CORO2B: variants seen among roughly 807,000 people sequenced by gnomAD.
The protein encoded by CORO2B is coronin-2B.
Under a neutral mutation model 58.8 loss-of-function variants are expected in CORO2B, and 26 were observed. That is an observed-to-expected ratio of 0.44 (90% CI 0.32 to 0.61). The LOEUF is 0.61. CORO2B is among the 20% of genes least tolerant of loss of function. CORO2B has a pLI of 0.04. For missense variants in CORO2B, 460 were observed against 645.1 expected, an observed-to-expected ratio of 0.71 and a Z score of 3.11; for synonymous variants, 242 against 253.8, an observed-to-expected ratio of 0.95 and a Z score of 0.44.
intron 2 of CORO2B, among the ~76,000 whole-genome samples, chr15:68,676,132 T>C (rs1177232911): frequency 6.6e-6 from 1 of 152,208 alleles, no homozygotes; most frequent in Admixed American, 6.5e-5. Context: ...CCCAATCAGC[T>C]GTGTGTTTGT....
At chr15:68,618,263 G>T (rs1002927995) in intron 1 of CORO2B, among the ~76,000 whole-genome samples, 5 of 152,130 alleles carry the variant, frequency 3.3e-5, no homozygotes, top group South Asian at 2.1e-4. Flanking sequence ...CTACCACTTT[G>T]ATTTCATAAC....
At chr15:68,718,923 G>A in intron 9 of CORO2B, 113 bp downstream of exon 9, 1 of 969,944 alleles carries the variant, frequency 1.0e-6, no homozygotes, top group Non-Finnish European at 1.6e-6. Context: ...GTGAACTGGG[G>A]TCTTCAAACC....
the CORO2B span, among the ~76,000 whole-genome samples, chr15:68,568,314 C>T: frequency 1.3e-5 from 2 of 148,384 alleles, no homozygotes; most frequent in African/African-American, 2.5e-5. Flanking sequence ...TCTGTAAAGT[C>T]GGAGCGGTTA....
intron 2 of CORO2B, among the ~76,000 whole-genome samples, chr15:68,686,895 G>A (rs55962860): frequency 0.024 from 3,550 of 147,426 alleles, 143 homozygotes; most frequent in African/African-American, 0.082. Context: ...GCGAAACTCC[G>A]TCTCAAAAAA....
chr15:68,556,104 G>A, the CORO2B span, among the ~76,000 whole-genome samples: 4 of 152,330 alleles, frequency 2.6e-5, no homozygotes, highest in East Asian at 1.9e-4. Context: ...GAGACAGGAC[G>A]GGGAGCGGGC....
At chr15:68,635,404 C>T (rs1359186874) in intron 1 of CORO2B, among the ~76,000 whole-genome samples, 4 of 152,208 alleles carry the variant, frequency 2.6e-5, no homozygotes, top group African/African-American at 9.6e-5. Context: ...AACTCAGAAG[C>T]CCAGTGGAGC....
the CORO2B span, among the ~76,000 whole-genome samples, chr15:68,555,017 T>TGGCTGG: frequency 6.6e-6 from 1 of 152,168 alleles, no homozygotes; most frequent in African/African-American, 2.4e-5. Flanking sequence ...CCCTACCACA[T>TGGCTGG]GGCTGGGGCT....
rs371436772 is a variant in CORO2B, at chr15:68,623,301, T to C, written c.16-21859T>C. 7.2e-5 allele frequency among the ~76,000 whole-genome samples: 11 copies of C among 152,250 alleles called. No homozygotes were observed. In the East Asian group the frequency reaches 1.5e-3, roughly 21 times the overall value. On this transcript the variant is annotated intron_variant, in intron 1 of 11. Coordinates refer to ENST00000261861, the MANE Select transcript of CORO2B (RefSeq NM_006091.5). ...CCATGCTGCCTCTTGAATCAAGTCATTGAGACTCGCCAGAGCAATAGAGCA... is the reference window on the plus strand; with the variant it reads ...CCATGCTGCCTCTTGAATCAAGTCACTGAGACTCGCCAGAGCAATAGAGCA...
At chr15:68,640,053 G>A (rs1490893522) in intron 1 of CORO2B, among the ~76,000 whole-genome samples, 1 of 152,164 alleles carries the variant, frequency 6.6e-6, no homozygotes, top group Non-Finnish European at 1.5e-5. Flanking sequence ...GGCAGAGTAG[G>A]GAGGAGTCTT....
intron 1 of CORO2B, among the ~76,000 whole-genome samples, chr15:68,623,711 C>T (rs1011945100): frequency 4.6e-5 from 7 of 152,132 alleles, no homozygotes; most frequent in African/African-American, 1.2e-4. Flanking sequence ...GCAGCAGCAG[C>T]GGGTGGGAGG....
chr15:68,554,846 G>A, the CORO2B span, among the ~76,000 whole-genome samples: 1 of 152,148 alleles, frequency 6.6e-6, no homozygotes, highest in African/African-American at 2.4e-5. Context: ...AGGCCCCCAG[G>A]GTGTGGGGCC....
In CORO2B at chr15:68,583,562, T is replaced by C. The variant is rs180935187; in HGVS notation, c.15+4285T>C. Among the ~76,000 whole-genome samples, 114 of 152,286 alleles carry C rather than the reference T, an allele frequency of 7.5e-4. 1 individual carries two copies. Among genetic ancestry groups the C allele is most frequent in the African/African-American group, 2.6e-3 (110 of 41,552 alleles). ...CTGGATTTCCCTCTGTGGGACACCA[T>C]CTGCCCTAGATGGAAGAAGCATTGC... On this transcript the variant is annotated intron_variant, in intron 1 of 11. Transcript: ENST00000261861.
intron 2 of CORO2B, among the ~76,000 whole-genome samples, chr15:68,662,586 T>C (rs1210868709): frequency 6.6e-6 from 1 of 152,212 alleles, no homozygotes; most frequent in Non-Finnish European, 1.5e-5. Context: ...ATTGGAGAGA[T>C]GAATTGAATC....
chr15:68,618,082 AG>A (rs1458442115), intron 1 of CORO2B, among the ~76,000 whole-genome samples: 3 of 152,276 alleles, frequency 2.0e-5, no homozygotes, highest in Non-Finnish European at 4.4e-5. Context: ...TTTTTGCTAT[AG>A]TTGCTAGTGA....
chr15:68,531,862 G>T, the CORO2B span, among the ~76,000 whole-genome samples: 1 of 150,074 alleles, frequency 6.7e-6, no homozygotes, highest in Non-Finnish European at 1.5e-5. Context: ...AATTTTAGCA[G>T]CTTTGTTTTT....
chr15:68,631,859 G>A, intron 1 of CORO2B: 1 of 765,912 alleles, frequency 1.3e-6, no homozygotes, highest in South Asian at 5.9e-5. Flanking sequence ...CCCCTCCTGA[G>A]CTGCCAGGAG....
chr15:68,678,182 A>AC (rs1197397293), intron 2 of CORO2B, among the ~76,000 whole-genome samples: 1 of 152,098 alleles, frequency 6.6e-6, no homozygotes, highest in African/African-American at 2.4e-5. Flanking sequence ...CGGGGTTAGG[A>AC]CCTTTCCCAC....
intron 2 of CORO2B, among the ~76,000 whole-genome samples, chr15:68,693,272 C>A (rs1262204396): frequency 6.6e-6 from 1 of 152,220 alleles, no homozygotes; most frequent in Admixed American, 6.5e-5. Flanking sequence ...GAGATGCAGG[C>A]AGGAAGTGGT....
chr15:68,677,732 C>A (rs1426278396), intron 2 of CORO2B, among the ~76,000 whole-genome samples: 1 of 152,202 alleles, frequency 6.6e-6, no homozygotes, highest in Non-Finnish European at 1.5e-5. Context: ...ACAACCCTAC[C>A]AGGTTGGAGG....
Sources: gnomAD v4.1 joint callset for allele counts (sites outside exome capture counted in the v4.1 genomes callset) on GRCh38, gnomAD v4.1.1 for gene constraint, MANE v1.5 for transcripts, NCBI Gene and HGNC (gene_info 2026-07-23, HGNC 2026-07-21) for gene names.